COL4A2: variants seen among roughly 807,000 people sequenced by gnomAD.
COL4A2 encodes the protein collagen alpha-2(IV) chain.
COL4A2 carries 99 observed loss-of-function variants against 200.2 expected under a neutral mutation model. That is an observed-to-expected ratio of 0.49 (90% CI 0.42 to 0.58). The LOEUF is 0.58. Ranked by LOEUF, COL4A2 falls within the 20% of genes least tolerant of loss-of-function variation. COL4A2 has a pLI of 0.00. For missense variants in COL4A2, 1,950 were observed against 2,314.1 expected (o/e 0.84, Z 3.23); for synonymous variants, 897 against 900.6 (o/e 1.00, Z 0.07).
In COL4A2 at chr13:110,493,376, G is replaced by C. The variant is rs1237235564; in HGVS notation, c.3634+94G>C. On this transcript the variant is annotated intron_variant, in intron 39 of 47. Transcript: ENST00000360467. ...TGCCCTCCAGACTTCAGGGAATGGA[G>C]GGTCTCAGAGAGCAGGGTGGGCTTC... 10 of 1,360,096 alleles carry C rather than the reference G, an allele frequency of 7.4e-6. No homozygotes were observed. The East Asian group carries it at 2.1e-4, about 29-fold the overall frequency. The allele number at this position is 1,360,096 out of a possible 1,614,324, so 84.3% of individuals were successfully genotyped here. A position where few individuals can be genotyped will look rare whatever the true frequency, so the allele number is the denominator to read the frequency against.
rs1381670887 is a variant in COL4A2 at position 110,485,856 on chromosome 13, T to TC, written c.3207+24dup. On this transcript the variant is annotated intron_variant, in intron 34 of 47. Coordinates refer to ENST00000360467, the MANE Select transcript of COL4A2 (RefSeq NM_001846.4). ...AGCCGGGTGAGTGGGCGTCTTTTAC[T>TC]CCCCTTGTTCTGTGAGCTCCTCTCC... 1 of 1,610,330 alleles carries TC rather than the reference T, an allele frequency of 6.2e-7. No individual in the cohort carries two copies. The highest frequency in any genetic ancestry group is 1.3e-5 in the African/African-American group (1 of 74,700).
chr13:110,370,621 G>C (rs1877962994), intron 4 of COL4A2, among the ~76,000 whole-genome samples: 1 of 152,156 alleles, frequency 6.6e-6, no homozygotes, highest in South Asian at 2.1e-4. Context: ...ATTTCCACTT[G>C]TGCAGTTAAT....
chr13:110,406,802 C>T (rs996912461), intron 4 of COL4A2, among the ~76,000 whole-genome samples: 2 of 152,220 alleles, frequency 1.3e-5, no homozygotes, highest in African/African-American at 2.4e-5. Flanking sequence ...TACATCTGTG[C>T]GTGTGTGTAT....
At position 110,512,057 on chromosome 13, in the gene COL4A2, G is replaced by C. The variant is rs199959120; in HGVS notation, c.5005G>C (p.Ala1669Pro). Residue 1669 changes from alanine (A) to proline (P), a missense_variant, in exon 48 of 48, where the codon GCC (alanine) becomes CCC (proline). By Grantham distance (27) the Ala-to-Pro change is conservative. This residue lies in a region of COL4A2 where 1,385 missense variants were observed against 1,720.5 expected (regional missense o/e 0.80). Coordinates refer to ENST00000360467, the MANE Select transcript of COL4A2 (RefSeq NM_001846.4). ...AGGCCGCGGCACCTGCCACTACTAC[G>C]CCAACAAGTACAGCTTCTGGCTGAC... ...NGGRGTCHYY[A>P]NKYSFWLTTI... 1 of 1,613,806 alleles carries C rather than the reference G, an allele frequency of 6.2e-7. No individual in the cohort carries two copies. The highest frequency in any genetic ancestry group is 1.7e-5 in the Admixed American group (1 of 60,032).
At chr13:110,465,120 C>T (rs1566549256) in intron 24 of COL4A2, among the ~76,000 whole-genome samples, 1 of 152,336 alleles carries the variant, frequency 6.6e-6, no homozygotes, top group East Asian at 1.9e-4. Flanking sequence ...GAGATGAAGG[C>T]CCAGGCTGAT....
At chr13:110,336,936 GC>G (rs1469971144) in intron 3 of COL4A2, among the ~76,000 whole-genome samples, 1 of 152,166 alleles carries the variant, frequency 6.6e-6, no homozygotes, top group Non-Finnish European at 1.5e-5. Flanking sequence ...TTGCCTCTGT[GC>G]TCCTTCACGG....
rs747779856 is a variant in COL4A2 at position 110,316,645 on chromosome 13, T to C, written c.99+8522T>C. Among the ~76,000 whole-genome samples, 7 of 152,276 alleles carry C rather than the reference T, an allele frequency of 4.6e-5. No individual in the cohort carries two copies. The East Asian group carries it at 5.8e-4, about 13-fold the overall frequency. On this transcript the variant is annotated intron_variant, in intron 3 of 47. Coordinates refer to ENST00000360467, the MANE Select transcript of COL4A2 (RefSeq NM_001846.4). Reference sequence around the variant, plus strand: ...AGCTAAAACACCCTGCGAAGAAACATAGCAAATCCTGTTTGCTGAGCCACT... The same window carrying C: ...AGCTAAAACACCCTGCGAAGAAACACAGCAAATCCTGTTTGCTGAGCCACT...
At chr13:110,349,011 A>G (rs78800947) in intron 3 of COL4A2, among the ~76,000 whole-genome samples, 2,587 of 152,284 alleles carry the variant, frequency 0.017, 70 homozygotes, top group African/African-American at 0.059. Flanking sequence ...AGTTGAGAAC[A>G]ATGACCAGCA....
chr13:110,443,229 C>T (rs973255512), intron 16 of COL4A2, among the ~76,000 whole-genome samples: 3 of 152,186 alleles, frequency 2.0e-5, no homozygotes, highest in African/African-American at 7.2e-5. Flanking sequence ...TTTCAAGAGG[C>T]ACATGCGTTC....
Position 110,455,743 on chromosome 13 carries a change from A to G in COL4A2, c.1340-1600A>G, listed in dbSNP as rs147914276. 5.0e-3 allele frequency among the ~76,000 whole-genome samples: 756 copies of G among 152,288 alleles called. 5 individuals carry two copies. The highest frequency in any genetic ancestry group is 0.02 in the Middle Eastern group (6 of 294). On this transcript the variant is annotated intron_variant, in intron 20 of 47. Transcript: ENST00000360467. ...GGACGGTATCCATGTCCTCATTCTC[A>G]TAGACATTTATCCTCACCTGGCAGT...
intron 13 of COL4A2, 112 bp downstream of exon 13, chr13:110,436,479 C>T (rs370517940): frequency 9.4e-6 from 13 of 1,377,158 alleles, no homozygotes; most frequent in Non-Finnish European, 1.3e-5. Flanking sequence ...TCACCACCAA[C>T]TTGGCACATT....
In COL4A2 at chr13:110,508,226, G is replaced by A. The variant is rs767548784; in HGVS notation, c.4881+5G>A. ...ATCGGATATTCCTTCCTCATGGTAT[G>A]TGGTATTTGCCCAGTTCCCCTCCCC... is the stretch of plus-strand genomic sequence containing the variant. On this transcript the variant is annotated splice_donor_5th_base_variant and intron_variant, in intron 47 of 47. Transcript: ENST00000360467. The surrounding 1 kb of genome is among the most constrained non-coding windows in gnomAD (Gnocchi z 6.1). The A allele has an allele frequency of 3.1e-6, 5 of 1,613,040 alleles. No individual in the cohort carries two copies. The highest frequency in any genetic ancestry group is 4.2e-6 in the Non-Finnish European group (5 of 1,179,230).
chr13:110,325,257 T>C (rs1217291594), intron 3 of COL4A2, among the ~76,000 whole-genome samples: 5 of 152,222 alleles, frequency 3.3e-5, no homozygotes, highest in Non-Finnish European at 4.4e-5. Context: ...TAATGCTTTG[T>C]GGAGAGTTTA....
At chr13:110,378,381 T>C (rs948381086) in intron 4 of COL4A2, among the ~76,000 whole-genome samples, 5 of 152,194 alleles carry the variant, frequency 3.3e-5, no homozygotes, top group Admixed American at 6.5e-5. Context: ...AGGAAGGACC[T>C]GATACACTAG....
At chr13:110,395,737 G>T (rs922051397) in intron 4 of COL4A2, among the ~76,000 whole-genome samples, 2 of 152,168 alleles carry the variant, frequency 1.3e-5, no homozygotes, top group Admixed American at 1.3e-4. Context: ...TTGAGGTCAG[G>T]AGTTCGAGAC....
At chr13:110,442,087 CAA>C (rs10530153) in intron 16 of COL4A2, among the ~76,000 whole-genome samples, 99 of 47,608 alleles carry the variant, frequency 2.1e-3, no homozygotes, top group African/African-American at 5.7e-3. Context: ...CTCTCTGTCT[CAA>C]AAAAAAAAAA....
At chr13:110,347,651 C>T (rs1460843754) in intron 3 of COL4A2, among the ~76,000 whole-genome samples, 2 of 152,256 alleles carry the variant, frequency 1.3e-5, no homozygotes, top group African/African-American at 2.4e-5. Flanking sequence ...CCACCACACA[C>T]TGCATGCCCT....
chr13:110,404,842 T>C (rs1435314115), intron 4 of COL4A2, among the ~76,000 whole-genome samples: 1 of 152,112 alleles, frequency 6.6e-6, no homozygotes, highest in Non-Finnish European at 1.5e-5. Flanking sequence ...ATTTCTAAAA[T>C]GAGTTGGGGC....
rs1883426002 is a variant in COL4A2, at chr13:110,495,420, C to T, written c.3713C>T (p.Pro1238Leu). ...GACCCAGGAGAGGCCAACACCCTTC[C>T]AGGCCCTGTGGGAGTCCCAGGACAG... ...RGDPGEANTL[P>L]GPVGVPGQKG... Residue 1238 changes from proline to leucine, a missense_variant, in exon 40 of 48, where the codon CCA becomes CTA. Coordinates refer to ENST00000360467, the MANE Select transcript of COL4A2 (RefSeq NM_001846.4). The T allele has an allele frequency of 1.9e-6, 3 of 1,613,904 alleles. No homozygotes were observed. The highest frequency in any genetic ancestry group is 1.7e-5 in the Admixed American group (1 of 59,990).
Sources: gnomAD v4.1 joint callset for allele counts (sites outside exome capture counted in the v4.1 genomes callset) on GRCh38, gnomAD v4.1.1 for gene constraint, gnomAD v4.1.1 regional missense constraint, Gnocchi (gnomAD v3.1) non-coding constraint, MANE v1.5 for transcripts, NCBI Gene and HGNC (gene_info 2026-07-23, HGNC 2026-07-21) for gene names.